The following SLC35G1 variants were observed in gnomAD, a reference collection of about 807,000 sequenced individuals.
SLC35G1 encodes the protein partner of STIM1.
Under a neutral mutation model 17.1 loss-of-function variants are expected in SLC35G1, and 10 were observed. That is an observed-to-expected ratio of 0.59 (90% CI 0.36 to 0.99). The LOEUF (loss-of-function observed/expected upper bound fraction) is 0.99. Among genes scored for constraint, SLC35G1 ranks in the 50% least tolerant of loss-of-function variants. The pLI is 0.01. For missense variants in SLC35G1, 433 were observed against 468.4 expected (o/e 0.92, Z 0.70); for synonymous variants, 185 against 181.1 (o/e 1.02, Z -0.18).
downstream of SLC35G1, chr10:93,908,177 C>A (rs530333820): frequency 3.3e-5 from 5 of 152,328 alleles, no homozygotes; most frequent in South Asian, 1.0e-3. Flanking sequence ...TTTCCTATGG[C>A]ACCAAAACAA....
chr10:93,900,477 T>C (rs2060372595), intron 2 of SLC35G1, among the ~76,000 whole-genome samples: 2 of 152,158 alleles, frequency 1.3e-5, no homozygotes, highest in Admixed American at 6.5e-5. Flanking sequence ...ATACGTGGGA[T>C]AAATATCTAT....
At chr10:93,896,728 G>A (rs2060334306) in intron 1 of SLC35G1, among the ~76,000 whole-genome samples, 1 of 152,156 alleles carries the variant, frequency 6.6e-6, no homozygotes, top group African/African-American at 2.4e-5. Context: ...TAAGGGGAAA[G>A]GTCACTAGGG....
In SLC35G1 at chr10:93,898,731, C is replaced by G; in HGVS notation, c.339C>G (p.Ile113Met). Reference protein sequence around the residue: ...FRCVFQMLVVIPCLIYRKTGF... With the variant: ...FRCVFQMLVVMPCLIYRKTGF... ...GTGTGTTCCAAATGCTAGTTGTTATCCCTTGCTTAATATACAGAAAGTAAG... is the reference window on the plus strand; with the variant it reads ...GTGTGTTCCAAATGCTAGTTGTTATGCCTTGCTTAATATACAGAAAGTAAG... The change falls in exon 2 of 3, where the codon ATC becomes ATG. Residue 113 changes from isoleucine (I) to methionine (M), a missense_variant. Physicochemically the swap from Ile to Met is conservative, Grantham distance 10. Coordinates refer to ENST00000427197, the MANE Select transcript of SLC35G1 (RefSeq NM_001134658.3). The G allele has an allele frequency of 6.2e-7, 1 of 1,605,754 alleles. No individual in the cohort carries two copies. Among genetic ancestry groups the G allele is most frequent in the Non-Finnish European group, 8.5e-7 (1 of 1,177,748 alleles).
In SLC35G1 at chr10:93,894,223, G is replaced by T. The variant is rs998773772; in HGVS notation, c.178+12G>T. 3 of 1,365,476 alleles carry T rather than the reference G, an allele frequency of 2.2e-6. No individual in the cohort carries two copies. Among genetic ancestry groups the T allele is most frequent in the Non-Finnish European group, 1.9e-6 (2 of 1,061,224 alleles). 84.6% of individuals were successfully genotyped at this position (1,365,476 alleles called of 1,614,324 possible). A position where few individuals can be genotyped will look rare whatever the true frequency, so the allele number is the denominator to read the frequency against. On this transcript the variant is annotated intron_variant, in intron 1 of 2. Transcript: ENST00000427197. Reference sequence around the variant, plus strand: ...CCGCACCGAGCCGGGTGAGTGCGCGGTGTGGATCGGGCTCTGGTCTCGCTC... The same window carrying T: ...CCGCACCGAGCCGGGTGAGTGCGCGTTGTGGATCGGGCTCTGGTCTCGCTC...
At position 93,901,879 on chromosome 10, in the gene SLC35G1, A is replaced by G. The variant is rs1589803114; in HGVS notation, c.*389A>G. The G allele has an allele frequency of 6.2e-6, 1 of 160,070 alleles. No homozygotes were observed. Among genetic ancestry groups the G allele is most frequent in the Non-Finnish European group, 1.4e-5 (1 of 73,372 alleles). The allele number at this position is 160,070 out of a possible 1,614,324, so 9.9% of individuals were successfully genotyped here. A position where few individuals can be genotyped will look rare whatever the true frequency, so the allele number is the denominator to read the frequency against. ...ATATTCTTTTAGCAGTGTAGAGCCT[A>G]AGAAACTTGGTTCTACTACCATGAT... is the stretch of plus-strand genomic sequence containing the variant. On this transcript the variant is annotated 3_prime_UTR_variant, in exon 3 of 3. Transcript: ENST00000427197.
At chr10:93,908,460 A>T (rs1815344667), downstream of SLC35G1, 1 of 152,282 alleles carries the variant, frequency 6.6e-6, no homozygotes, top group African/African-American at 2.4e-5. Flanking sequence ...AGAATGCAGA[A>T]CAGGGAGTCA....
At position 93,901,573 on chromosome 10, in the gene SLC35G1, T is replaced by C. The variant is rs572073926; in HGVS notation, c.*83T>C. 4 of 1,410,272 alleles carry C rather than the reference T, an allele frequency of 2.8e-6. No homozygotes were observed. The highest frequency in any genetic ancestry group is 3.7e-6 in the Non-Finnish European group (4 of 1,068,722). 87.4% of individuals were successfully genotyped at this position (1,410,272 alleles called of 1,614,324 possible). A position where few individuals can be genotyped will look rare whatever the true frequency, so the allele number is the denominator to read the frequency against. On this transcript the variant is annotated 3_prime_UTR_variant, in exon 3 of 3. Coordinates refer to ENST00000427197, the MANE Select transcript of SLC35G1 (RefSeq NM_001134658.3). ...AGCATACGCACACATCTGGAAAATCTGCATTTTCTTCATTGGTTGTATTTA... is the reference window on the plus strand; with the variant it reads ...AGCATACGCACACATCTGGAAAATCCGCATTTTCTTCATTGGTTGTATTTA...
At chr10:93,906,305 C>G (rs189038786), downstream of SLC35G1, 1 of 152,180 alleles carries the variant, frequency 6.6e-6, no homozygotes, top group Non-Finnish European at 1.5e-5. Context: ...ATGAAGAGGC[C>G]CATGTGGAGA....
rs1478774883 is a variant in SLC35G1 at position 93,898,817 on chromosome 10, A to AT, written c.359+67dup. On this transcript the variant is annotated intron_variant, in intron 2 of 2. Coordinates refer to ENST00000427197, the MANE Select transcript of SLC35G1 (RefSeq NM_001134658.3). The stretch of plus-strand genomic sequence containing the variant: ...TGTGTGTATATCTTTTCACCTGCCT[A>AT]TAATTACTCTATCTGCTTTATCCAT... The AT allele has an allele frequency of 1.2e-5, 17 of 1,441,270 alleles. No homozygotes were observed. In the African/African-American group the frequency reaches 2.1e-4, roughly 18 times the overall value. The allele number at this position is 1,441,270 out of a possible 1,614,324, so 89.3% of individuals were successfully genotyped here.
Position 93,901,644 on chromosome 10 carries a change from T to G in SLC35G1, c.*154T>G. 1.2e-6 allele frequency: 1 copy of G among 846,494 alleles called. No individual in the cohort carries two copies. Among genetic ancestry groups the G allele is most frequent in the East Asian group, 3.0e-5 (1 of 33,578 alleles). The allele number at this position is 846,494 out of a possible 1,614,324, so 52.4% of individuals were successfully genotyped here. A position where few individuals can be genotyped will look rare whatever the true frequency, so the allele number is the denominator to read the frequency against. ...TTTTTGAATATAGTATGTCTTTAGT[T>G]AAGAATAGCTAGTCTGTTTGGTGTA... On this transcript the variant is annotated 3_prime_UTR_variant, in exon 3 of 3. Transcript: ENST00000427197.
intron 1 of SLC35G1, among the ~76,000 whole-genome samples, chr10:93,894,518 C>T (rs950142614): frequency 2.6e-5 from 4 of 152,064 alleles, no homozygotes; most frequent in African/African-American, 9.7e-5. Context: ...CGTACCCTCC[C>T]CTAGGTCGTA....
Position 93,901,155 on chromosome 10 carries a change from A to C in SLC35G1, c.763A>C (p.Ile255Leu), listed in dbSNP as rs1248189685. 1 of 1,614,098 alleles carries C rather than the reference A, an allele frequency of 6.2e-7. No individual in the cohort carries two copies. ...AAAATCTGTGGACTACTTTCTGAGC[A>C]TTTGGTATTATGTAGTACTTGGCCT... is the stretch of plus-strand genomic sequence containing the variant. ...MGKSVDYFLS[I>L]WYYVVLGLVE... The change falls in exon 3 of 3, where the codon ATT becomes CTT. Residue 255 changes from isoleucine (I) to leucine (L), a missense_variant. By Grantham distance (5) the Ile-to-Leu change is conservative. Coordinates refer to ENST00000427197, the MANE Select transcript of SLC35G1 (RefSeq NM_001134658.3).
chr10:93,896,478 A>T (rs7913238), intron 1 of SLC35G1, among the ~76,000 whole-genome samples: 69,347 of 152,096 alleles, frequency 0.46, 16,719 homozygotes, highest in East Asian at 0.84. Context: ...ATATGCTTGC[A>T]GTGAGATATG....
rs979058725 is a variant in SLC35G1 at position 93,897,539 on chromosome 10, A to G, written c.179-1032A>G. Among the ~76,000 whole-genome samples the G allele has an allele frequency of 5.3e-5, 8 of 152,300 alleles. No homozygotes were observed. The East Asian group carries it at 1.5e-3, about 29-fold the overall frequency. On this transcript the variant is annotated intron_variant, in intron 1 of 2. Transcript: ENST00000427197. Reference sequence around the variant, plus strand: ...ACCCTGTTTTTGTGTTAATTTCAAAAAAGAATATATCCCGCAGTGTGTGAC... The same window carrying G: ...ACCCTGTTTTTGTGTTAATTTCAAAGAAGAATATATCCCGCAGTGTGTGAC...
In SLC35G1 at chr10:93,898,716, A is replaced by G; in HGVS notation, c.324A>G (p.Gln108=). 1 of 1,610,900 alleles carries G rather than the reference A, an allele frequency of 6.2e-7. No individual in the cohort carries two copies. Among genetic ancestry groups the G allele is most frequent in the Non-Finnish European group, 8.5e-7 (1 of 1,179,136 alleles). ...VEISAFRCVF[Q]MLVVIPCLIY... is the part of the protein sequence containing the mutation. ...TTAGTGCGTTTCGATGTGTGTTCCA[A>G]ATGCTAGTTGTTATCCCTTGCTTAA... The change falls in exon 2 of 3, where the codon CAA becomes CAG. Residue 108 remains glutamine, a synonymous_variant. Coordinates refer to ENST00000427197, the MANE Select transcript of SLC35G1 (RefSeq NM_001134658.3).
chr10:93,898,532 CT>C, intron 1 of SLC35G1, 38 bp from the exon 2 acceptor site: 1 of 1,572,702 alleles, frequency 6.4e-7, no homozygotes, highest in Non-Finnish European at 8.6e-7. Flanking sequence ...AACACATACA[CT>C]TGGAAGCAAG....
rs1475857359 is a variant in SLC35G1, at chr10:93,903,124, A to G, written c.*1634A>G. 3 of 152,194 alleles carry G rather than the reference A, an allele frequency of 2.0e-5. No homozygotes were observed. The highest frequency in any genetic ancestry group is 4.4e-5 in the Non-Finnish European group (3 of 68,034). 9.4% of individuals were successfully genotyped at this position (152,194 alleles called of 1,614,324 possible). ...GCCTTAGTGAGAAAGAATCTTTTCC[A>G]ATAGTTCCAATGGGGGAATTTTTGG... On this transcript the variant is annotated 3_prime_UTR_variant, in exon 3 of 3. Coordinates refer to ENST00000427197, the MANE Select transcript of SLC35G1 (RefSeq NM_001134658.3).
chr10:93,901,757 G>T lies in SLC35G1; in HGVS notation c.*267G>T. 3.1e-6 allele frequency: 1 copy of T among 317,718 alleles called. No homozygotes were observed. Among genetic ancestry groups the T allele is most frequent in the Admixed American group, 4.7e-5 (1 of 21,222 alleles). 19.7% of individuals were successfully genotyped at this position (317,718 alleles called of 1,614,324 possible). A position where few individuals can be genotyped will look rare whatever the true frequency, so the allele number is the denominator to read the frequency against. Reference sequence around the variant, plus strand: ...TTGGTGAGAGGAGAGCTCATTGTTTGAAGAAAAACCAAAACATTTTATGGC... The same window carrying T: ...TTGGTGAGAGGAGAGCTCATTGTTTTAAGAAAAACCAAAACATTTTATGGC... On this transcript the variant is annotated 3_prime_UTR_variant, in exon 3 of 3. Transcript: ENST00000427197.
chr10:93,895,492 G>A (rs1373756504), intron 1 of SLC35G1, among the ~76,000 whole-genome samples: 1 of 152,198 alleles, frequency 6.6e-6, no homozygotes, highest in Non-Finnish European at 1.5e-5. Context: ...GTGAATGGAA[G>A]AGGAATTCTC....
Sources: allele counts gnomAD v4.1 joint callset (sites outside exome capture counted in the v4.1 genomes callset), GRCh38; gene constraint gnomAD v4.1.1; transcripts MANE v1.5; gene names NCBI Gene and HGNC (gene_info 2026-07-23, HGNC 2026-07-21).